ANK2: variants seen among roughly 807,000 people sequenced by gnomAD.
ANK2 encodes the protein ankyrin-2.
In ANK2, 83 loss-of-function variants were observed where a neutral mutation model predicts 360.5. The observed-to-expected ratio is 0.23, with a 90% CI of 0.19 to 0.28. The LOEUF (loss-of-function observed/expected upper bound fraction) is 0.28, where lower values mean the gene tolerates loss of function less well. Among genes scored for constraint, ANK2 ranks in the 10% least tolerant of loss-of-function variants. ANK2 has a pLI of 1.00. For synonymous variants in ANK2, 1,740 were observed against 1,759.5 expected, an observed-to-expected ratio of 0.99 and a Z score of 0.28; for missense variants, 4,201 against 4,795.7, an observed-to-expected ratio of 0.88 and a Z score of 3.66.
Position 113,367,670 on chromosome 4 carries a change from T to G in ANK2, c.11137T>G (p.Ser3713Ala). 6.2e-7 allele frequency: 1 copy of G among 1,613,970 alleles called. No homozygotes were observed. ...SETCDHPPIV[S>A]EEDISVGYST... Reference sequence around the variant, plus strand: ...GACCTGCGATCACCCTCCTATCGTCTCAGAGGAAGACATTTCTGTTGGTTA... The same window carrying G: ...GACCTGCGATCACCCTCCTATCGTCGCAGAGGAAGACATTTCTGTTGGTTA... The change falls in exon 42 of 46, where the codon TCA becomes GCA. Residue 3713 changes from serine to alanine, a missense_variant. This residue lies in a region of ANK2 where 2,642 missense variants were observed against 2,714.5 expected (regional missense o/e 0.97). Coordinates refer to ENST00000357077, the MANE Select transcript of ANK2 (RefSeq NM_001148.6).
the ANK2 span, among the ~76,000 whole-genome samples, chr4:112,793,152 G>GTGA: frequency 6.6e-6 from 1 of 152,078 alleles, no homozygotes; most frequent in African/African-American, 2.4e-5. Flanking sequence ...TTTAGATCTT[G>GTGA]TGATGCCGTT....
intron 1 of ANK2, among the ~76,000 whole-genome samples, chr4:113,083,617 G>A (rs948262230): frequency 6.6e-6 from 1 of 152,160 alleles, no homozygotes; most frequent in Non-Finnish European, 1.5e-5. Context: ...TCCACTCAGT[G>A]TGTAATCTAT....
At chr4:113,075,722 A>G (rs1389410697) in intron 1 of ANK2, among the ~76,000 whole-genome samples, 1 of 152,202 alleles carries the variant, frequency 6.6e-6, no homozygotes, top group Non-Finnish European at 1.5e-5. Context: ...GTGGCAGAAT[A>G]TTTTATGGAT....
At chr4:112,994,344 A>G (rs59083701) in intron 2 of ANK2, among the ~76,000 whole-genome samples, 5,566 of 152,316 alleles carry the variant, frequency 0.037, 334 homozygotes, top group African/African-American at 0.13. Context: ...ACATATTGCA[A>G]TAAATGGATG....
intron 1 of ANK2, among the ~76,000 whole-genome samples, chr4:113,072,732 A>G (rs1036021941): frequency 7.5e-6 from 1 of 133,042 alleles, no homozygotes; most frequent in African/African-American, 2.9e-5. Context: ...TAAAATAGAC[A>G]CTTGGCATAA....
chr4:113,336,542 A>G (rs768510328), intron 30 of ANK2, 35 bp from the exon 31 acceptor site: 2 of 1,523,248 alleles, frequency 1.3e-6, no homozygotes, highest in East Asian at 2.4e-5. Context: ...AAATATATAC[A>G]CAAATATATA....
intron 1 of ANK2, among the ~76,000 whole-genome samples, chr4:113,101,381 G>A (rs1185317013): frequency 6.6e-6 from 1 of 152,086 alleles, no homozygotes; most frequent in Non-Finnish European, 1.5e-5. Context: ...GCTGTAAGAA[G>A]GAAATATCCT....
chr4:112,712,654 A>G, the ANK2 span, among the ~76,000 whole-genome samples: 41 of 151,536 alleles, frequency 2.7e-4, no homozygotes, highest in South Asian at 1.0e-3. Context: ...TGATCCGCCC[A>G]CCTTGGCCTC....
intron 2 of ANK2, among the ~76,000 whole-genome samples, chr4:113,012,723 A>G (rs2055183047): frequency 6.6e-6 from 1 of 152,208 alleles, no homozygotes; most frequent in African/African-American, 2.4e-5. Context: ...GGATTCTGCC[A>G]TTATTTACCT....
At chr4:113,253,259 C>A (rs115027057) in intron 10 of ANK2, among the ~76,000 whole-genome samples, 114 of 152,294 alleles carry the variant, frequency 7.5e-4, no homozygotes, top group African/African-American at 2.6e-3. Context: ...TTCTCAGTCT[C>A]CTTTACTAGT....
intron 26 of ANK2, among the ~76,000 whole-genome samples, chr4:113,328,912 A>C (rs1218722105): frequency 2.0e-5 from 3 of 152,236 alleles, no homozygotes; most frequent in South Asian, 2.1e-4. Flanking sequence ...TATATCCCAT[A>C]ACTTACTTTG....
intron 45 of ANK2, among the ~76,000 whole-genome samples, chr4:113,379,038 A>G (rs1370219608): frequency 6.6e-6 from 1 of 152,154 alleles, no homozygotes; most frequent in East Asian, 1.9e-4. Flanking sequence ...TTTAGAACAT[A>G]ATAATTAGAA....
At chr4:112,945,822 T>C (rs2094510912) in intron 2 of ANK2, among the ~76,000 whole-genome samples, 1 of 152,158 alleles carries the variant, frequency 6.6e-6, no homozygotes, top group South Asian at 2.1e-4. Context: ...CTTTCCCAAG[T>C]TACACAGCTC....
intron 2 of ANK2, among the ~76,000 whole-genome samples, chr4:112,968,535 G>A (rs1361817538): frequency 6.6e-6 from 1 of 152,166 alleles, no homozygotes; most frequent in Non-Finnish European, 1.5e-5. Flanking sequence ...AAAGGGGTGA[G>A]GATGTAGGGT....
intron 2 of ANK2, among the ~76,000 whole-genome samples, chr4:112,957,510 G>C (rs1038868620): frequency 6.6e-6 from 1 of 152,102 alleles, no homozygotes; most frequent in Non-Finnish European, 1.5e-5. Flanking sequence ...ATCATGGCCC[G>C]TTCTCAATGA....
chr4:113,045,638 A>G (rs576836111), upstream of ANK2, among the ~76,000 whole-genome samples: 1 of 152,192 alleles, frequency 6.6e-6, no homozygotes, highest in Non-Finnish European at 1.5e-5. Flanking sequence ...AATTATATCA[A>G]CGAGAACAAC....
intron 5 of ANK2, among the ~76,000 whole-genome samples, chr4:113,234,232 C>A (rs1324019561): frequency 1.3e-5 from 2 of 152,196 alleles, no homozygotes; most frequent in Admixed American, 6.5e-5. Flanking sequence ...CCAAAAATAC[C>A]CTTTTATGTA....
At chr4:113,276,424 T>C (rs1396976114) in intron 15 of ANK2, among the ~76,000 whole-genome samples, 5 of 152,234 alleles carry the variant, frequency 3.3e-5, no homozygotes, top group African/African-American at 1.2e-4. Context: ...TTATGTATTT[T>C]TGTCTAATAA....
intron 1 of ANK2, among the ~76,000 whole-genome samples, chr4:113,118,357 A>G (rs2154369950): frequency 6.6e-6 from 1 of 152,288 alleles, no homozygotes; most frequent in African/African-American, 2.4e-5. Context: ...GGGATTAGGG[A>G]TGCAATGGGG....
Sources: allele counts gnomAD v4.1 joint callset (sites outside exome capture counted in the v4.1 genomes callset), GRCh38; gene constraint gnomAD v4.1.1; regional missense constraint gnomAD v4.1.1; transcripts MANE v1.5; gene names NCBI Gene and HGNC (gene_info 2026-07-23, HGNC 2026-07-21).